Variants in LARP1B observed in about 807,000 individuals in gnomAD.
The protein encoded by LARP1B is la-related protein 1B.
A neutral mutation model predicts 114.2 loss-of-function variants in LARP1B; 76 were observed. The ratio of observed to expected loss-of-function variants is 0.67; its 90% confidence interval spans 0.55 to 0.81. The LOEUF is 0.81. Ranked by LOEUF, LARP1B falls within the 30% of genes least tolerant of loss-of-function variation. The pLI is 0.00. For synonymous variants in LARP1B, 345 were observed against 348.0 expected (o/e 0.99, Z 0.10); for missense variants, 1,014 against 1,075.8 (o/e 0.94, Z 0.80).
chr4:128,143,653 T>G (rs1244390249), intron 11 of LARP1B, among the ~76,000 whole-genome samples: 1 of 151,994 alleles, frequency 6.6e-6, no homozygotes, highest in Non-Finnish European at 1.5e-5. Flanking sequence ...GGAACAGTGG[T>G]GGGGGAGAGT....
intron 15 of LARP1B, among the ~76,000 whole-genome samples, chr4:128,191,434 G>C (rs1752235285): frequency 6.6e-6 from 1 of 152,148 alleles, no homozygotes; most frequent in Non-Finnish European, 1.5e-5. Context: ...AGTAGCGTGT[G>C]AGTTCCCTTA....
intron 11 of LARP1B, among the ~76,000 whole-genome samples, chr4:128,158,741 G>A (rs6534668): frequency 0.41 from 63,021 of 151,900 alleles, 14,347 homozygotes; most frequent in African/African-American, 0.6. Flanking sequence ...TACATTAAAA[G>A]CTTTTTCTGA....
chr4:128,187,055 A>G (rs966120876), intron 15 of LARP1B, among the ~76,000 whole-genome samples: 32 of 152,222 alleles, frequency 2.1e-4, no homozygotes, highest in African/African-American at 6.3e-4. Context: ...TGTCTAGACT[A>G]AAGCCTGCTG....
chr4:128,206,371 G>A (rs1044934687), intron 17 of LARP1B, 57 bp from the exon 18 acceptor site: 1 of 959,896 alleles, frequency 1.0e-6, no homozygotes, highest in Non-Finnish European at 1.5e-6. Context: ...TTATATTGAT[G>A]TTACTAACTA....
chr4:128,125,496 C>A (rs1248597217), intron 11 of LARP1B, among the ~76,000 whole-genome samples: 1 of 152,238 alleles, frequency 6.6e-6, no homozygotes, highest in African/African-American at 2.4e-5. Context: ...GCCTGTAATC[C>A]CAGCACTTCG....
chr4:128,155,679 T>C (rs2150366118), intron 11 of LARP1B: 3 of 1,603,812 alleles, frequency 1.9e-6, no homozygotes, highest in Non-Finnish European at 2.6e-6. Context: ...CAAGGCCTTG[T>C]GAACAGATCA....
chr4:128,212,807 A>C (rs1448104328), downstream of LARP1B, among the ~76,000 whole-genome samples: 1 of 152,070 alleles, frequency 6.6e-6, no homozygotes, highest in Non-Finnish European at 1.5e-5. Flanking sequence ...AAGGTTGCAC[A>C]GTTTACACTT....
chr4:128,139,245 A>T (rs1480444862), intron 11 of LARP1B, among the ~76,000 whole-genome samples: 2 of 152,338 alleles, frequency 1.3e-5, no homozygotes, highest in East Asian at 3.8e-4. Flanking sequence ...TGGCACATGT[A>T]CCCCAGAAGT....
intron 7 of LARP1B, among the ~76,000 whole-genome samples, chr4:128,221,987 C>G (rs1299945319): frequency 1.3e-5 from 2 of 152,196 alleles, no homozygotes; most frequent in Non-Finnish European, 2.9e-5. Context: ...TAGGGCTAAG[C>G]ACTGGACAAA....
At chr4:128,076,213 C>T (rs1044295248) in intron 3 of LARP1B, among the ~76,000 whole-genome samples, 4 of 152,140 alleles carry the variant, frequency 2.6e-5, no homozygotes, top group African/African-American at 4.8e-5. Context: ...AGGGTTTCGC[C>T]ATGTTGGTCT....
intron 4 of LARP1B, among the ~76,000 whole-genome samples, chr4:128,079,848 CGCCACCATG>C (rs1157164450): frequency 2.6e-5 from 4 of 151,188 alleles, no homozygotes; most frequent in African/African-American, 4.9e-5. Flanking sequence ...TAGAAGTGTG[CGCCACCATG>C]CCTGGCCTCC....
intron 7 of LARP1B, among the ~76,000 whole-genome samples, chr4:128,096,176 G>A (rs1435358592): frequency 2.6e-5 from 4 of 151,914 alleles, no homozygotes; most frequent in Admixed American, 6.6e-5. Context: ...TGTATTTTTA[G>A]TAGAGACAGG....
chr4:128,145,606 C>G (rs767965010), intron 11 of LARP1B, among the ~76,000 whole-genome samples: 1 of 152,156 alleles, frequency 6.6e-6, no homozygotes, highest in Non-Finnish European at 1.5e-5. Flanking sequence ...TCCACAGGTT[C>G]CACTGCTTCA....
At chr4:128,073,971 G>C (rs1766765036) in intron 1 of LARP1B, among the ~76,000 whole-genome samples, 1 of 150,578 alleles carries the variant, frequency 6.6e-6, no homozygotes, top group Admixed American at 6.7e-5. Flanking sequence ...GTGGAGTTTT[G>C]CTCTTGTTGC....
intron 15 of LARP1B, among the ~76,000 whole-genome samples, chr4:128,186,682 T>A (rs1750480790): frequency 6.6e-6 from 1 of 152,210 alleles, no homozygotes; most frequent in Non-Finnish European, 1.5e-5. Context: ...ATTAAAGTGG[T>A]AAAGTGGACA....
intron 8 of LARP1B, among the ~76,000 whole-genome samples, chr4:128,100,563 C>T (rs780100918): frequency 6.6e-6 from 1 of 152,034 alleles, no homozygotes; most frequent in East Asian, 1.9e-4. Context: ...TGAGCCACCA[C>T]GCCTGGACTC....
intron 7 of LARP1B, among the ~76,000 whole-genome samples, chr4:128,092,114 A>G (rs1048548561): frequency 6.6e-6 from 1 of 152,200 alleles, no homozygotes; most frequent in Non-Finnish European, 1.5e-5. Flanking sequence ...ATGAATAAAT[A>G]TAAGACTGTA....
At chr4:128,152,849 T>A (rs934069430) in intron 11 of LARP1B, among the ~76,000 whole-genome samples, 1 of 152,068 alleles carries the variant, frequency 6.6e-6, no homozygotes, top group East Asian at 1.9e-4. Flanking sequence ...AGCACATTTA[T>A]ATTTTATGGC....
chr4:128,200,477 A>G, intron 16 of LARP1B, 44 bp from the exon 17 acceptor site: 1 of 1,220,802 alleles, frequency 8.2e-7, no homozygotes, highest in Non-Finnish European at 1.1e-6. Flanking sequence ...CTTGTCTTTA[A>G]AAAGTATGTT....
Sources: allele counts gnomAD v4.1 joint callset (sites outside exome capture counted in the v4.1 genomes callset), GRCh38; gene constraint gnomAD v4.1.1; transcripts MANE v1.5; gene names NCBI Gene and HGNC (gene_info 2026-07-23, HGNC 2026-07-21).